MLLT1: variants seen among roughly 807,000 people sequenced by gnomAD.
The protein encoded by MLLT1 is protein ENL.
Under a neutral mutation model 55.1 loss-of-function variants are expected in MLLT1, and 11 were observed. The ratio of observed to expected loss-of-function variants is 0.20; its 90% CI spans 0.13 to 0.33. The LOEUF (loss-of-function observed/expected upper bound fraction) is 0.33. Among genes scored for constraint, MLLT1 ranks in the 10% least tolerant of loss-of-function variants. The pLI, the probability that MLLT1 is intolerant of heterozygous loss-of-function variation, is 1.00. For missense variants in MLLT1, 536 were observed against 760.6 expected (o/e 0.70, Z 3.47); for synonymous variants, 323 against 320.1 (o/e 1.01, Z -0.10).
In MLLT1 at chr19:6,212,395, G is replaced by GCCCCACCCA; in HGVS notation, c.*646_*647insTGGGTGGGG. 9.4e-7 allele frequency: 1 copy of GCCCCACCCA among 1,066,074 alleles called. No individual in the cohort carries two copies. Among genetic ancestry groups the GCCCCACCCA allele is most frequent in the Non-Finnish European group, 1.1e-6 (1 of 879,774 alleles). 66.0% of individuals were successfully genotyped at this position (1,066,074 alleles called of 1,614,324 possible). ...ACCGCAGAGACATCTTAACCTACAA[G>GCCCCACCCA]CCCCACCGTACGCACCCCCCACCCA... On this transcript the variant is annotated 3_prime_UTR_variant, in exon 12 of 12. Transcript: ENST00000252674.
chr19:6,251,786 A>G (rs1014645561), intron 3 of MLLT1, among the ~76,000 whole-genome samples: 2 of 151,650 alleles, frequency 1.3e-5, no homozygotes, highest in Admixed American at 1.3e-4. Flanking sequence ...AAAAAAAGAA[A>G]GAAAGAATGA....
chr19:6,212,702 C>T lies in MLLT1; in HGVS notation c.*340G>A, dbSNP rs1332481407. 3.0e-5 allele frequency: 34 copies of T among 1,139,096 alleles called. No individual in the cohort carries two copies. Among genetic ancestry groups the T allele is most frequent in the Non-Finnish European group, 3.2e-5 (30 of 926,800 alleles). 70.6% of individuals were successfully genotyped at this position (1,139,096 alleles called of 1,614,324 possible). On this transcript the variant is annotated 3_prime_UTR_variant, in exon 12 of 12. Transcript: ENST00000252674. ...GAAAGGCTGGGGCAGCGACGCCGCACAGCCCGCCGAGCAGTGGGGGCTGGT... is the reference window on the plus strand; with the variant it reads ...GAAAGGCTGGGGCAGCGACGCCGCATAGCCCGCCGAGCAGTGGGGGCTGGT...
chr19:6,212,269 G>A lies in MLLT1; in HGVS notation c.*773C>T, dbSNP rs906333863. On this transcript the variant is annotated 3_prime_UTR_variant, in exon 12 of 12. Transcript: ENST00000252674. Reference sequence around the variant, plus strand: ...GTTGGCTGACCCCCCCGGGAGCCCCGGTAGGAGGCGGCGGCATCCTTGGAA... The same window carrying A: ...GTTGGCTGACCCCCCCGGGAGCCCCAGTAGGAGGCGGCGGCATCCTTGGAA... The A allele has an allele frequency of 1.2e-5, 13 of 1,053,586 alleles. No homozygotes were observed. The highest frequency in any genetic ancestry group is 2.0e-5 in the African/African-American group (1 of 49,988). The allele number at this position is 1,053,586 out of a possible 1,614,324, so 65.3% of individuals were successfully genotyped here.
At chr19:6,247,461 G>A (rs778271412) in intron 3 of MLLT1, among the ~76,000 whole-genome samples, 3 of 152,028 alleles carry the variant, frequency 2.0e-5, no homozygotes, top group Non-Finnish European at 4.4e-5. Flanking sequence ...ATAACAAACA[G>A]GTAACAACAG....
At position 6,240,005 on chromosome 19, in the gene MLLT1, C is replaced by A. The variant is rs533708374; in HGVS notation, c.277-9292G>T. Among the ~76,000 whole-genome samples the A allele has an allele frequency of 3.9e-5, 6 of 152,216 alleles. No homozygotes were observed. Among genetic ancestry groups the A allele is most frequent in the Admixed American group, 3.9e-4 (6 of 15,300 alleles). On this transcript the variant is annotated intron_variant, in intron 3 of 11. Transcript: ENST00000252674. This position sits in a 1 kb window ranked among gnomAD's most constrained non-coding sequence, Gnocchi z 4.7. Reference sequence around the variant, plus strand: ...ACCTCTGACCAGGAGTCAGAGGACTCCTGGATGCTGAAGCGGCTCAGCACT... The same window carrying A: ...ACCTCTGACCAGGAGTCAGAGGACTACTGGATGCTGAAGCGGCTCAGCACT...
At chr19:6,213,314 C>A (rs2090800050) in intron 11 of MLLT1, 23 bp downstream of exon 11, 1 of 1,612,078 alleles carries the variant, frequency 6.2e-7, no homozygotes, top group Middle Eastern at 1.7e-4. Context: ...CTCTGCCGGG[C>A]AGGACCCTCA....
chr19:6,220,647 C>A (rs1260768487), intron 6 of MLLT1, among the ~76,000 whole-genome samples: 1 of 152,226 alleles, frequency 6.6e-6, no homozygotes, highest in Non-Finnish European at 1.5e-5. Flanking sequence ...TTGCCGCTGC[C>A]CAGCGTGCTG....
intron 3 of MLLT1, among the ~76,000 whole-genome samples, chr19:6,243,125 A>AT (rs1186945212): frequency 6.6e-6 from 1 of 152,210 alleles, no homozygotes; most frequent in Non-Finnish European, 1.5e-5. Flanking sequence ...CAACCATGCT[A>AT]AAGTCTGCTG....
intron 5 of MLLT1, among the ~76,000 whole-genome samples, chr19:6,224,668 G>A (rs770276010): frequency 2.6e-5 from 4 of 152,228 alleles, no homozygotes; most frequent in Non-Finnish European, 4.4e-5. Flanking sequence ...TCCCACACAG[G>A]AGCACAGGCA....
At chr19:6,238,832 C>T (rs2091087361) in intron 3 of MLLT1, among the ~76,000 whole-genome samples, 1 of 152,110 alleles carries the variant, frequency 6.6e-6, no homozygotes, top group African/African-American at 2.4e-5. Flanking sequence ...AGCAGCCAAA[C>T]GCCTCCTCCG....
intron 2 of MLLT1, among the ~76,000 whole-genome samples, chr19:6,267,149 C>T (rs965664568): frequency 1.3e-5 from 2 of 151,484 alleles, no homozygotes; most frequent in Non-Finnish European, 1.5e-5. Context: ...TCGCCCAGGC[C>T]GGAGTGCACT....
chr19:6,270,475 T>C lies in MLLT1; in HGVS notation c.193+104A>G, dbSNP rs1331399246. 1.5e-5 allele frequency: 19 copies of C among 1,260,244 alleles called. No homozygotes were observed. The highest frequency in any genetic ancestry group is 2.5e-5 in the East Asian group (1 of 40,242). The allele number at this position is 1,260,244 out of a possible 1,614,324, so 78.1% of individuals were successfully genotyped here. ...GGGACGCAAGCTGGAACCTCATGGT[T>C]GGAGGGGTCCTGCTGCTCCTGAGGG... On this transcript the variant is annotated intron_variant, in intron 2 of 11. Coordinates refer to ENST00000252674, the MANE Select transcript of MLLT1 (RefSeq NM_005934.4). The surrounding 1 kb of genome is among the most constrained non-coding windows in gnomAD (Gnocchi z 7.1).
rs1030027619 is a variant in MLLT1, at chr19:6,213,851, G to A, written c.1408-54C>T. The A allele has an allele frequency of 1.6e-5, 25 of 1,594,180 alleles. No homozygotes were observed. The East Asian group carries it at 2.5e-4, about 16-fold the overall frequency. Reference sequence around the variant, plus strand: ...TGTGGCCCACACCCTCCCCAGCCCCGAAGGCCCCACAAACCCTCCTAGGAC... The same window carrying A: ...TGTGGCCCACACCCTCCCCAGCCCCAAAGGCCCCACAAACCCTCCTAGGAC... On this transcript the variant is annotated intron_variant, in intron 9 of 11. Coordinates refer to ENST00000252674, the MANE Select transcript of MLLT1 (RefSeq NM_005934.4).
In MLLT1 at chr19:6,270,770, G is replaced by C; in HGVS notation, c.13-11C>G. 1.3e-6 allele frequency: 2 copies of C among 1,590,188 alleles called. No individual in the cohort carries two copies. The highest frequency in any genetic ancestry group is 1.7e-6 in the Non-Finnish European group (2 of 1,164,838). On this transcript the variant is annotated splice_polypyrimidine_tract_variant and intron_variant, in intron 1 of 11. Coordinates refer to ENST00000252674, the MANE Select transcript of MLLT1 (RefSeq NM_005934.4). The surrounding 1 kb of genome is among the most constrained non-coding windows in gnomAD (Gnocchi z 7.1). ...CACCTGGACGGTGCACTGGAGGAGAGAGAGGTGGGGAGATGAAGTCAGCAC... is the reference window on the plus strand; with the variant it reads ...CACCTGGACGGTGCACTGGAGGAGACAGAGGTGGGGAGATGAAGTCAGCAC...
rs2091407241 is a variant in MLLT1 at position 6,273,041 on chromosome 19, GAAAA to G, written c.13-2286_13-2283del. The stretch of plus-strand genomic sequence containing the variant: ...CGACTGTCCCTCTGGAGTTCCCTGG[GAAAA>G]GAGGGCAGGGACTCCCTAGGGACCA... On this transcript the variant is annotated intron_variant, in intron 1 of 11. Coordinates refer to ENST00000252674, the MANE Select transcript of MLLT1 (RefSeq NM_005934.4). This position sits in a 1 kb window ranked among gnomAD's most constrained non-coding sequence, Gnocchi z 4.3. 7.9e-5 allele frequency among the ~76,000 whole-genome samples: 12 copies of G among 152,302 alleles called. No homozygotes were observed. The South Asian group carries it at 2.3e-3, about 29-fold the overall frequency.
chr19:6,230,372 C>T lies in MLLT1; in HGVS notation c.420+198G>A, dbSNP rs771935575. 3.5e-4 allele frequency among the ~76,000 whole-genome samples: 53 copies of T among 152,322 alleles called. No homozygotes were observed. Among genetic ancestry groups the T allele is most frequent in the Middle Eastern group, 3.4e-3 (1 of 294 alleles). ...CCCAGAAGCACAGGGTGACCAGCAA[C>T]GAGTCACCTGCAGCCACCACGCCCC... is the stretch of plus-strand genomic sequence containing the variant. On this transcript the variant is annotated intron_variant, in intron 4 of 11. Coordinates refer to ENST00000252674, the MANE Select transcript of MLLT1 (RefSeq NM_005934.4). The surrounding 1 kb of genome is among the most constrained non-coding windows in gnomAD (Gnocchi z 9.0).
chr19:6,215,073 A>T (rs1198522524), intron 8 of MLLT1, among the ~76,000 whole-genome samples: 1 of 152,102 alleles, frequency 6.6e-6, no homozygotes, highest in Non-Finnish European at 1.5e-5. Flanking sequence ...GGTGACTGGG[A>T]TGACGGCTGG....
rs1235617066 is a variant in MLLT1, at chr19:6,210,778, A to C, written c.*2264T>G. The C allele has an allele frequency of 1.7e-5, 4 of 229,062 alleles. No individual in the cohort carries two copies. The highest frequency in any genetic ancestry group is 6.2e-5 in the East Asian group (1 of 16,148). 14.2% of individuals were successfully genotyped at this position (229,062 alleles called of 1,614,324 possible). On this transcript the variant is annotated 3_prime_UTR_variant, in exon 12 of 12. Transcript: ENST00000252674. This position sits in a 1 kb window ranked among gnomAD's most constrained non-coding sequence, Gnocchi z 4.6. The stretch of plus-strand genomic sequence containing the variant: ...GCCCTCGTGGGCCCAGCCGCCGGGC[A>C]GCTGGGGTGGGGTGGGAGAGCAGCT...
chr19:6,279,884 G>GCGCCGC lies in MLLT1; in HGVS notation c.-106_-101dup, dbSNP rs570920732. On this transcript the variant is annotated 5_prime_UTR_variant, in exon 1 of 12. Transcript: ENST00000252674. ...CCCCGCCGCCCTCATTGTCTGTCAA[G>GCGCCGC]CGCCGCCGCCGCCGCCGCCGCCGCC... 46 of 164,222 alleles carry GCGCCGC rather than the reference G, an allele frequency of 2.8e-4. No individual in the cohort carries two copies. In the South Asian group the frequency reaches 3.3e-3, roughly 12 times the overall value. 10.2% of individuals were successfully genotyped at this position (164,222 alleles called of 1,614,324 possible).
Sources: allele counts gnomAD v4.1 joint callset (sites outside exome capture counted in the v4.1 genomes callset), GRCh38; gene constraint gnomAD v4.1.1; non-coding constraint Gnocchi (gnomAD v3.1); transcripts MANE v1.5; gene names NCBI Gene and HGNC (gene_info 2026-07-23, HGNC 2026-07-21).